Variants in CAD observed in about 807,000 individuals in gnomAD.
CAD encodes multifunctional protein CAD.
Under a neutral mutation model 237.2 loss-of-function variants are expected in CAD, and 81 were observed. That is an observed-to-expected ratio of 0.34 (90% CI 0.29 to 0.41). CAD has a LOEUF of 0.41. CAD is among the 10% of genes least tolerant of loss of function. The probability of loss-of-function intolerance (pLI) is 1.00; values close to 1 mark genes in which losing one functional copy is unlikely to be tolerated. For synonymous variants in CAD, 1,196 were observed against 1,162.8 expected, an observed-to-expected ratio of 1.03 and a Z score of -0.58; for missense variants, 2,181 against 2,951.7, an observed-to-expected ratio of 0.74 and a Z score of 6.05.
chr2:27,235,643 G>T lies in CAD; in HGVS notation c.4074+3G>T, dbSNP rs1675963093. 2 of 1,613,482 alleles carry T rather than the reference G, an allele frequency of 1.2e-6. No individual in the cohort carries two copies. The highest frequency in any genetic ancestry group is 3.3e-5 in the Admixed American group (2 of 59,986). On this transcript the variant is annotated splice_donor_region_variant and intron_variant, in intron 25 of 43. Transcript: ENST00000264705. The surrounding 1 kb of genome is among the most constrained non-coding windows in gnomAD (Gnocchi z 5.2). ...TCTACACTGAGCATGGCGTCAAGGT[G>T]CAGGAACTCTGGCAACCTACCCCAC... is the stretch of plus-strand genomic sequence containing the variant.
chr2:27,224,344 G>GT lies in CAD; in HGVS notation c.1110dup (p.Arg371Ter). 1 of 1,614,200 alleles carries GT rather than the reference G, an allele frequency of 6.2e-7. No individual in the cohort carries two copies. Among genetic ancestry groups the GT allele is most frequent in the Non-Finnish European group, 8.5e-7 (1 of 1,180,026 alleles). ...TTCTACGACCTTCTTTGCTTCCACAGTTAGAGAGCGGCTGACTGAGCGCCT... is the reference window on the plus strand; with the variant it reads ...TTCTACGACCTTCTTTGCTTCCACAGTTTAGAGAGCGGCTGACTGAGCGCCT... On this transcript the variant is annotated frameshift_variant and splice_region_variant. Coordinates refer to ENST00000264705, the MANE Select transcript of CAD (RefSeq NM_004341.5). LOFTEE classifies it high-confidence loss of function.
rs1676385830 is a variant in CAD at position 27,242,807 on chromosome 2, T to C, written c.6378+32T>C. 2 of 1,613,868 alleles carry C rather than the reference T, an allele frequency of 1.2e-6. No homozygotes were observed. The highest frequency in any genetic ancestry group is 1.1e-5 in the South Asian group (1 of 91,074). ...CCCTCACAGCCCTGCCTGGAAGCCA[T>C]GGAGATGTGGGTTGGGCAGTCAGAG... is the stretch of plus-strand genomic sequence containing the variant. On this transcript the variant is annotated intron_variant, in intron 41 of 43. Transcript: ENST00000264705. The surrounding 1 kb of genome is among the most constrained non-coding windows in gnomAD (Gnocchi z 6.4).
rs147538322 is a variant in CAD, at chr2:27,227,049, C to A, written c.2287+87C>A. On this transcript the variant is annotated intron_variant, in intron 15 of 43. Transcript: ENST00000264705. The stretch of plus-strand genomic sequence containing the variant: ...AAGAGTTCCCTGGCATGGCCTTTTA[C>A]GTCCTATGGGAGCAGGTGCTTGAGA... 7.8e-4 allele frequency: 916 copies of A among 1,172,168 alleles called. 2 individuals are homozygous for A. The highest frequency in any genetic ancestry group is 9.8e-4 in the Non-Finnish European group (769 of 786,874). The allele number at this position is 1,172,168 out of a possible 1,614,324, so 72.6% of individuals were successfully genotyped here. A position where few individuals can be genotyped will look rare whatever the true frequency, so the allele number is the denominator to read the frequency against.
intron 15 of CAD, among the ~76,000 whole-genome samples, chr2:27,228,318 T>C (rs1205993557): frequency 6.6e-6 from 1 of 152,248 alleles, no homozygotes; most frequent in African/African-American, 2.4e-5. Context: ...CTTTGTATTA[T>C]GAAGCACAGA....
Position 27,224,411 on chromosome 2 carries a change from C to T in CAD, c.1175C>T (p.Pro392Leu). The change falls in exon 9 of 44, where the codon CCA (proline) becomes CTA (leucine). Residue 392 changes from proline to leucine, a missense_variant. This residue lies in a region of CAD where 129 missense variants were observed against 143.3 expected (regional missense o/e 0.90). Coordinates refer to ENST00000264705, the MANE Select transcript of CAD (RefSeq NM_004341.5). Reference protein sequence around the residue: ...GIPTPGSGLPPPRKVLILGSG... With the variant: ...GIPTPGSGLPLPRKVLILGSG... ...CCCACTCCCGGCTCTGGACTTCCAC[C>T]ACCACGAAAGGTTCTGATCCTGGGC... 3.1e-6 allele frequency: 5 copies of T among 1,614,214 alleles called. No individual in the cohort carries two copies. The highest frequency in any genetic ancestry group is 3.4e-6 in the Non-Finnish European group (4 of 1,180,044).
intron 2 of CAD, among the ~76,000 whole-genome samples, chr2:27,218,886 C>A (rs772266886): frequency 6.6e-6 from 1 of 152,200 alleles, no homozygotes; most frequent in Non-Finnish European, 1.5e-5. Flanking sequence ...CCTTCCCAGC[C>A]ACCCTGACGC....
chr2:27,221,780 T>TTTC (rs1491358907), intron 3 of CAD, among the ~76,000 whole-genome samples: 1 of 118,846 alleles, frequency 8.4e-6, no homozygotes, highest in African/African-American at 3.6e-5. Flanking sequence ...TTTTTTTTTT[T>TTTC]CTGTTCATTT....
In CAD at chr2:27,233,635, C is replaced by A; in HGVS notation, c.3226C>A (p.Gln1076Lys). The A allele has an allele frequency of 6.2e-7, 1 of 1,614,136 alleles. No individual in the cohort carries two copies. The change falls in exon 21 of 44, where the codon CAA becomes AAA. Residue 1076 changes from glutamine (Q) to lysine (K), a missense_variant. Gln to Lys is a moderately conservative substitution (Grantham distance 53). Transcript: ENST00000264705. The surrounding 1 kb of genome is among the most constrained non-coding windows in gnomAD (Gnocchi z 6.3). Reference sequence around the variant, plus strand: ...TCCCTGCCTCCTGTAGTCTGCTCGCCAATTCTGCCAGACCGTGGGGTACCC... The same window carrying A: ...TCCCTGCCTCCTGTAGTCTGCTCGCAAATTCTGCCAGACCGTGGGGTACCC... ...RELSDLESARQFCQTVGYPCV... is the reference protein window; with the variant it reads ...RELSDLESARKFCQTVGYPCV...
In CAD at chr2:27,217,381, T is replaced by A. The variant is rs935476052; in HGVS notation, c.-171T>A. On this transcript the variant is annotated 5_prime_UTR_variant, in exon 1 of 44. Coordinates refer to ENST00000264705, the MANE Select transcript of CAD (RefSeq NM_004341.5). ...TCCGCGCCGCCGCAGTCTCTGCTGCTGCCGCCAAGCGCGCCCGAGGCTCCT... is the reference window on the plus strand; with the variant it reads ...TCCGCGCCGCCGCAGTCTCTGCTGCAGCCGCCAAGCGCGCCCGAGGCTCCT... The A allele has an allele frequency of 1.7e-5, 11 of 629,322 alleles. No individual in the cohort carries two copies. Among genetic ancestry groups the A allele is most frequent in the Non-Finnish European group, 2.8e-5 (10 of 353,090 alleles). 39.0% of individuals were successfully genotyped at this position (629,322 alleles called of 1,614,324 possible).
chr2:27,217,507 C>T lies in CAD; in HGVS notation c.-45C>T, dbSNP rs779115916. ...CGTGGTTCCAGTGGAGTTTGCAGTC[C>T]TTCCCGCTTCTCCGTACTCGCCCCC... On this transcript the variant is annotated 5_prime_UTR_variant, in exon 1 of 44. Transcript: ENST00000264705. The T allele has an allele frequency of 3.3e-6, 5 of 1,510,726 alleles. No individual in the cohort carries two copies. The highest frequency in any genetic ancestry group is 2.0e-4 in the Middle Eastern group (1 of 5,014). 93.6% of individuals were successfully genotyped at this position (1,510,726 alleles called of 1,614,324 possible).
At position 27,222,959 on chromosome 2, in the gene CAD, A is replaced by G. The variant is rs1223018572; in HGVS notation, c.731A>G (p.Asn244Ser). The G allele has an allele frequency of 1.2e-6, 2 of 1,613,936 alleles. No individual in the cohort carries two copies. The highest frequency in any genetic ancestry group is 2.7e-5 in the African/African-American group (2 of 74,854). Reference sequence around the variant, plus strand: ...CTGAGCCGTGTTTTATCTGAGCCTAATCCCCGACCTGTCTTTGGGATCTGC... The same window carrying G: ...CTGAGCCGTGTTTTATCTGAGCCTAGTCCCCGACCTGTCTTTGGGATCTGC... ...STLSRVLSEP[N>S]PRPVFGICLG... The change falls in exon 6 of 44, where the codon AAT becomes AGT. Residue 244 changes from asparagine to serine, a missense_variant. This residue lies in a region of CAD where 314 missense variants were observed against 339.4 expected (regional missense o/e 0.93). Coordinates refer to ENST00000264705, the MANE Select transcript of CAD (RefSeq NM_004341.5).
At position 27,242,190 on chromosome 2, in the gene CAD, G is replaced by A; in HGVS notation, c.6096+67G>A. 1 of 1,590,920 alleles carries A rather than the reference G, an allele frequency of 6.3e-7. No homozygotes were observed. The highest frequency in any genetic ancestry group is 8.6e-7 in the Non-Finnish European group (1 of 1,165,606). ...GACCCAGGGGCATGAGAACCCTTCT[G>A]CCCACGTTTTCTGTGTTTTGGGCCA... On this transcript the variant is annotated intron_variant, in intron 39 of 43. Coordinates refer to ENST00000264705, the MANE Select transcript of CAD (RefSeq NM_004341.5). This position sits in a 1 kb window ranked among gnomAD's most constrained non-coding sequence, Gnocchi z 6.4.
Position 27,242,344 on chromosome 2 carries a change from G to T in CAD, c.6139G>T (p.Asp2047Tyr). 6.2e-7 allele frequency: 1 copy of T among 1,614,066 alleles called. No homozygotes were observed. Among genetic ancestry groups the T allele is most frequent in the Non-Finnish European group, 8.5e-7 (1 of 1,179,954 alleles). Residue 2047 changes from aspartate (D) to tyrosine (Y), a missense_variant, in exon 40 of 44, where the codon GAT becomes TAT. Transcript: ENST00000264705. This position sits in a 1 kb window ranked among gnomAD's most constrained non-coding sequence, Gnocchi z 6.4. ...HCRRPVINAG[D>Y]GVGEHPTQAL... ...CCGGAGGCCAGTGATCAATGCTGGG[G>T]ATGGGGTCGGAGAGCACCCCACCCA...
At chr2:27,227,040 G>A (rs1334696136) in intron 15 of CAD, 78 bp downstream of exon 15, 3 of 1,262,882 alleles carry the variant, frequency 2.4e-6, no homozygotes, top group Non-Finnish European at 3.5e-6. Flanking sequence ...TCCCTGGCAT[G>A]GCCTTTTACG....
At chr2:27,223,832 A>G (rs980486402) in intron 7 of CAD, 84 bp downstream of exon 7, 2 of 1,553,964 alleles carry the variant, frequency 1.3e-6, no homozygotes, top group Admixed American at 1.7e-5. Flanking sequence ...AGTGGATCCG[A>G]GTCCCCTGTC....
In CAD at chr2:27,225,206, A is replaced by C. The variant is rs1675373991; in HGVS notation, c.1583A>C (p.His528Pro). The C allele has an allele frequency of 6.2e-7, 1 of 1,613,690 alleles. No homozygotes were observed. The highest frequency in any genetic ancestry group is 2.2e-5 in the East Asian group (1 of 44,866). Residue 528 changes from histidine to proline, a missense_variant, in exon 11 of 44, where the codon CAT (histidine) becomes CCT (proline). By Grantham distance (77) the His-to-Pro change is moderately conservative (BLOSUM62 -2). This residue lies in a region of CAD where 174 missense variants were observed against 215.8 expected (regional missense o/e 0.81). Coordinates refer to ENST00000264705, the MANE Select transcript of CAD (RefSeq NM_004341.5). ...FAARMAEIGE[H>P]VAPSEAANSL... ...GCCAGAATGGCAGAGATCGGAGAGCATGTGGCCCCGAGCGAGGCAGCAAAT... is the reference window on the plus strand; with the variant it reads ...GCCAGAATGGCAGAGATCGGAGAGCCTGTGGCCCCGAGCGAGGCAGCAAAT...
rs945662331 is a variant in CAD, at chr2:27,236,578, AAG to A, written c.4314+58_4314+59del. 1.9e-6 allele frequency: 3 copies of A among 1,601,298 alleles called. No homozygotes were observed. Among genetic ancestry groups the A allele is most frequent in the East Asian group, 2.2e-5 (1 of 44,794 alleles). On this transcript the variant is annotated intron_variant, in intron 26 of 43. Coordinates refer to ENST00000264705, the MANE Select transcript of CAD (RefSeq NM_004341.5). This position sits in a 1 kb window ranked among gnomAD's most constrained non-coding sequence, Gnocchi z 4.1. Reference sequence around the variant, plus strand: ...ACTGCCAGTGTTGATGGGAAGAAGAAAGAGGGAGGAGTGAGTATGGAACAGCC... The same window carrying A: ...ACTGCCAGTGTTGATGGGAAGAAGAAAGGGAGGAGTGAGTATGGAACAGCC...
At position 27,235,201 on chromosome 2, in the gene CAD, TCCTCTCACACCTTGGC is replaced by T. The variant is rs1675944872; in HGVS notation, c.3787-37_3787-22del. On this transcript the variant is annotated intron_variant, in intron 23 of 43. Coordinates refer to ENST00000264705, the MANE Select transcript of CAD (RefSeq NM_004341.5). The surrounding 1 kb of genome is among the most constrained non-coding windows in gnomAD (Gnocchi z 5.2). ...CCGTCTCTGCTGGTGAGGGAGGAGG[TCCTCTCACACCTTGGC>T]CCTCTCTCTTCCCTCCCGCCCCTTT... The T allele has an allele frequency of 1.3e-6, 2 of 1,519,474 alleles. No individual in the cohort carries two copies. Among genetic ancestry groups the T allele is most frequent in the African/African-American group, 2.8e-5 (2 of 72,366 alleles). 94.1% of individuals were successfully genotyped at this position (1,519,474 alleles called of 1,614,324 possible). A position where few individuals can be genotyped will look rare whatever the true frequency, so the allele number is the denominator to read the frequency against.
At chr2:27,222,087 C>T (rs2148058754) in intron 3 of CAD, 107 bp from the exon 4 acceptor site, 1 of 1,109,662 alleles carries the variant, frequency 9.0e-7, no homozygotes, top group Non-Finnish European at 1.3e-6. Flanking sequence ...GCACATAGAA[C>T]AGCTGTGTGT....
Sources: allele counts gnomAD v4.1 joint callset (sites outside exome capture counted in the v4.1 genomes callset), GRCh38; gene constraint gnomAD v4.1.1; regional missense constraint gnomAD v4.1.1; non-coding constraint Gnocchi (gnomAD v3.1); transcripts MANE v1.5; gene names NCBI Gene and HGNC (gene_info 2026-07-23, HGNC 2026-07-21).